Variants in ABCA13 observed in about 807,000 individuals in gnomAD.
ABCA13 encodes ATP-binding cassette sub-family A member 13.
ABCA13 carries 476 observed loss-of-function variants against 478.7 expected under a neutral mutation model. That is an observed-to-expected ratio of 0.99 (90% CI 0.92 to 1.07). ABCA13 has a LOEUF of 1.07. Ranked by LOEUF, ABCA13 falls within the 50% of genes least tolerant of loss-of-function variation. The probability of loss-of-function intolerance (pLI) is 0.00; values close to 1 mark genes in which losing one functional copy is unlikely to be tolerated. For synonymous variants in ABCA13, 2,252 were observed against 2,158.9 expected, an observed-to-expected ratio of 1.04 and a Z score of -1.20; for missense variants, 6,060 against 5,910.6, an observed-to-expected ratio of 1.03 and a Z score of -0.83.
chr7:48,506,237 C>A, intron 48 of ABCA13, 99 bp from the exon 49 acceptor site: 1 of 1,320,818 alleles, frequency 7.6e-7, no homozygotes, highest in Admixed American at 1.8e-5. Context: ...AAGCAGGATA[C>A]ATTGTGATGG....
chr7:48,553,238 A>C (rs1785491603), intron 55 of ABCA13, among the ~76,000 whole-genome samples: 1 of 152,054 alleles, frequency 6.6e-6, no homozygotes. Flanking sequence ...GTTACTTCCA[A>C]ATCTTACCTA....
chr7:48,558,329 C>A (rs1295816423), intron 55 of ABCA13, among the ~76,000 whole-genome samples: 1 of 150,994 alleles, frequency 6.6e-6, no homozygotes, highest in African/African-American at 2.4e-5. Context: ...CACTGCCTCA[C>A]CCTGTCACCC....
intron 55 of ABCA13, among the ~76,000 whole-genome samples, chr7:48,543,543 G>C (rs1214283876): frequency 6.6e-6 from 1 of 151,614 alleles, no homozygotes; most frequent in Non-Finnish European, 1.5e-5. Flanking sequence ...AGAATCGCTT[G>C]AACCCAGGAG....
chr7:48,325,044 G>A (rs1348468162), intron 27 of ABCA13, among the ~76,000 whole-genome samples: 1 of 152,160 alleles, frequency 6.6e-6, no homozygotes. Flanking sequence ...CTCTGTCAGA[G>A]AACCAACAAT....
In ABCA13 at chr7:48,294,435, T is replaced by TTTG. The variant is rs1562987033; in HGVS notation, c.8956-1263_8956-1262insGTT. On this transcript the variant is annotated intron_variant, in intron 20 of 61. Transcript: ENST00000435803. ...GCTTTGTTTCTATGGGTTTTTTTTTTTTTTTTGTTTTGTTTTTTTTTTGAG... is the reference window on the plus strand; with the variant it reads ...GCTTTGTTTCTATGGGTTTTTTTTTTTTGTTTTTTGTTTTGTTTTTTTTTTGAG... Among the ~76,000 whole-genome samples the TTTG allele has an allele frequency of 7.0e-4, 66 of 94,322 alleles. 1 individual carries two copies. The highest frequency in any genetic ancestry group is 2.2e-3 in the African/African-American group (61 of 27,508). 61.9% of individuals were successfully genotyped at this position (94,322 alleles called of 152,430 possible).
chr7:48,429,467 G>T (rs1328167151), intron 42 of ABCA13, among the ~76,000 whole-genome samples: 1 of 152,162 alleles, frequency 6.6e-6, no homozygotes, highest in Non-Finnish European at 1.5e-5. Context: ...CACTTTAGTG[G>T]ATGTGACACA....
At chr7:48,487,113 C>T (rs1285557121) in intron 47 of ABCA13, among the ~76,000 whole-genome samples, 1 of 151,982 alleles carries the variant, frequency 6.6e-6, no homozygotes, top group Non-Finnish European at 1.5e-5. Flanking sequence ...GAGTTCGAGA[C>T]CAGCCTGACC....
At chr7:48,644,816 C>A in intron 61 of ABCA13, 62 bp downstream of exon 61, 1 of 1,424,996 alleles carries the variant, frequency 7.0e-7, no homozygotes, top group South Asian at 1.7e-5. Context: ...CCTAATGTAG[C>A]CAATTTTAAA....
At chr7:48,480,053 A>T (rs959807623) in intron 45 of ABCA13, among the ~76,000 whole-genome samples, 1 of 152,212 alleles carries the variant, frequency 6.6e-6, no homozygotes, top group Non-Finnish European at 1.5e-5. Flanking sequence ...TGAAACTTAC[A>T]TTTCTCTCAC....
In ABCA13 at chr7:48,275,407, T is replaced by C. The variant is rs1392932846; in HGVS notation, c.5741T>C (p.Val1914Ala). The C allele has an allele frequency of 6.2e-7, 1 of 1,613,936 alleles. No homozygotes were observed. The highest frequency in any genetic ancestry group is 8.5e-7 in the Non-Finnish European group (1 of 1,179,880). ...GTCTTCCATGTTAACATTTCTCTTG[T>C]GAAAACTGTGCAGAAATTTTGGCAT... ...SEVFHVNISL[V>A]KTVQKFWHKI... The change falls in exon 17 of 62, where the codon GTG becomes GCG. Residue 1914 changes from valine (V) to alanine (A), a missense_variant. Coordinates refer to ENST00000435803, the MANE Select transcript of ABCA13 (RefSeq NM_152701.5).
intron 48 of ABCA13, among the ~76,000 whole-genome samples, chr7:48,498,046 T>C (rs770216441): frequency 2.6e-5 from 4 of 152,168 alleles, no homozygotes; most frequent in Non-Finnish European, 4.4e-5. Flanking sequence ...GAGTGGCGGC[T>C]AGCCCTGTCT....
chr7:48,243,879 C>A (rs558859569), intron 10 of ABCA13, among the ~76,000 whole-genome samples: 1 of 152,370 alleles, frequency 6.6e-6, no homozygotes, highest in African/African-American at 2.4e-5. Flanking sequence ...GGATTCCATG[C>A]AGTTGCTCAA....
At chr7:48,510,109 T>C (rs941387532) in intron 50 of ABCA13, among the ~76,000 whole-genome samples, 9 of 152,194 alleles carry the variant, frequency 5.9e-5, no homozygotes. Flanking sequence ...GATTGCTCCC[T>C]CAAAGAGATT....
chr7:48,427,719 T>A, intron 41 of ABCA13, 47 bp from the exon 42 acceptor site: 1 of 1,257,846 alleles, frequency 8.0e-7, no homozygotes, highest in Non-Finnish European at 1.1e-6. Context: ...AAATGCGATG[T>A]GTATAGAAAC....
intron 8 of ABCA13, among the ~76,000 whole-genome samples, chr7:48,237,328 T>C (rs1403941557): frequency 6.6e-6 from 1 of 152,130 alleles, no homozygotes; most frequent in African/African-American, 2.4e-5. Context: ...CTCATAATCT[T>C]AATCTTGTGG....
Position 48,594,710 on chromosome 7 carries a change from G to C in ABCA13, c.14641G>C (p.Asp4881His). The C allele has an allele frequency of 1.2e-6, 2 of 1,613,608 alleles. No homozygotes were observed. The highest frequency in any genetic ancestry group is 1.7e-6 in the Non-Finnish European group (2 of 1,179,608). Residue 4881 changes from aspartate to histidine, a missense_variant and splice_region_variant, in exon 58 of 62, where the codon GAT becomes CAT. Transcript: ENST00000435803. ...LVGKPDILLLDEPSSGMDPCS... is the reference protein window; with the variant it reads ...LVGKPDILLLHEPSSGMDPCS... Reference sequence around the variant, plus strand: ...TTACTCTGTGTTGCCTTTCCTTCAGGATGAGCCCAGCTCTGGGATGGATCC... The same window carrying C: ...TTACTCTGTGTTGCCTTTCCTTCAGCATGAGCCCAGCTCTGGGATGGATCC...
chr7:48,514,424 G>A (rs548419032), intron 51 of ABCA13, among the ~76,000 whole-genome samples: 16 of 152,280 alleles, frequency 1.1e-4, no homozygotes, highest in African/African-American at 3.8e-4. Context: ...ACTGTCACAT[G>A]GAAAAGAAAA....
chr7:48,378,063 G>A (rs1186314594), intron 35 of ABCA13, among the ~76,000 whole-genome samples: 2 of 152,168 alleles, frequency 1.3e-5, no homozygotes, highest in Non-Finnish European at 2.9e-5. Flanking sequence ...GTATTCAGCT[G>A]AGACTTTCCC....
At chr7:48,296,646 T>C (rs1359574074) in intron 21 of ABCA13, among the ~76,000 whole-genome samples, 1 of 151,990 alleles carries the variant, frequency 6.6e-6, no homozygotes, top group Non-Finnish European at 1.5e-5. Flanking sequence ...TTTATTTTAA[T>C]AGAGATGGGG....
Sources: gnomAD v4.1 joint callset for allele counts (sites outside exome capture counted in the v4.1 genomes callset) on GRCh38, gnomAD v4.1.1 for gene constraint, MANE v1.5 for transcripts, NCBI Gene and HGNC (gene_info 2026-07-23, HGNC 2026-07-21) for gene names.